The following MYO3A variants were observed in gnomAD, a reference collection of about 807,000 sequenced individuals.
MYO3A encodes the protein myosin-IIIa.
Under a neutral mutation model 192.7 loss-of-function variants are expected in MYO3A, and 180 were observed. The observed-to-expected ratio is 0.93, with a 90% CI of 0.83 to 1.06. The LOEUF is 1.06. Ranked by LOEUF, MYO3A falls within the 50% of genes least tolerant of loss-of-function variation. The pLI is 0.00. For missense variants in MYO3A, 1,896 were observed against 1,905.0 expected (o/e 1.00, Z 0.09); for synonymous variants, 628 against 645.3 (o/e 0.97, Z 0.41).
chr10:26,096,510 A>G, intron 16 of MYO3A, 31 bp downstream of exon 16: 1 of 1,603,016 alleles, frequency 6.2e-7, no homozygotes, highest in Non-Finnish European at 8.5e-7. Flanking sequence ...TTCATCAATA[A>G]TACTTTCACT....
At chr10:26,047,648 G>A (rs1261597848) in intron 10 of MYO3A, among the ~76,000 whole-genome samples, 6 of 151,972 alleles carry the variant, frequency 3.9e-5, no homozygotes, top group African/African-American at 1.4e-4. Flanking sequence ...GGTGGCAGGC[G>A]CCTGTAGTCC....
intron 10 of MYO3A, among the ~76,000 whole-genome samples, chr10:26,043,178 T>TCTCTCTCC (rs1843448855): frequency 6.6e-6 from 1 of 151,688 alleles, no homozygotes; most frequent in Non-Finnish European, 1.5e-5. Flanking sequence ...TCTCTCTCTC[T>TCTCTCTCC]CTCTCTCTGT....
Position 25,996,539 on chromosome 10 carries a change from G to T in MYO3A, c.353G>T (p.Arg118Met). The T allele has an allele frequency of 6.2e-7, 1 of 1,613,874 alleles. No individual in the cohort carries two copies. Among genetic ancestry groups the T allele is most frequent in the Non-Finnish European group, 8.5e-7 (1 of 1,179,868 alleles). Reference sequence around the variant, plus strand: ...GACCTTGTGAAAGGATTTCTGAAGAGGGGTGAAAGAATGAGTGAGCCTCTA... The same window carrying T: ...GACCTTGTGAAAGGATTTCTGAAGATGGGTGAAAGAATGAGTGAGCCTCTA... ...VTDLVKGFLK[R>M]GERMSEPLIA... The change falls in exon 5 of 35, where the codon AGG becomes ATG. Residue 118 changes from arginine to methionine, a missense_variant. Physicochemically the swap from Arg to Met is moderately conservative, Grantham distance 91 (BLOSUM62 -1). Coordinates refer to ENST00000642920, the MANE Select transcript of MYO3A (RefSeq NM_017433.5).
intron 2 of MYO3A, 101 bp from the exon 3 acceptor site, chr10:25,951,993 C>A: frequency 1.2e-6 from 1 of 850,688 alleles, no homozygotes; most frequent in Non-Finnish European, 1.9e-6. Context: ...TGAATATTTT[C>A]TATCATATCA....
At chr10:25,996,341 A>G (rs1840438198) in intron 4 of MYO3A, 149 bp from the exon 5 acceptor site, 1 of 653,390 alleles carries the variant, frequency 1.5e-6, no homozygotes, top group East Asian at 2.8e-5. Flanking sequence ...TTATATATTC[A>G]TTTTATTTAT....
At chr10:26,041,351 C>T (rs1915477) in intron 10 of MYO3A, among the ~76,000 whole-genome samples, 109,968 of 151,548 alleles carry the variant, frequency 0.73, 40,263 homozygotes, top group African/African-American at 0.82. Flanking sequence ...GTTGTTGTTG[C>T]TGTTGTTGTT....
chr10:26,135,075 T>G (rs1839767708), intron 20 of MYO3A, among the ~76,000 whole-genome samples: 2 of 152,160 alleles, frequency 1.3e-5, no homozygotes, highest in Admixed American at 6.5e-5. Context: ...CTATATTTCA[T>G]TGATTAAAAT....
chr10:26,021,751 A>G (rs1307427523), intron 8 of MYO3A, 103 bp downstream of exon 8: 4 of 1,450,864 alleles, frequency 2.8e-6, no homozygotes, highest in African/African-American at 1.4e-5. Context: ...ATATATTCCA[A>G]CAAGTTGGGA....
intron 4 of MYO3A, among the ~76,000 whole-genome samples, chr10:25,984,770 C>A (rs577613875): frequency 6.6e-6 from 1 of 152,260 alleles, no homozygotes; most frequent in East Asian, 1.9e-4. Context: ...CATGCAAATA[C>A]ATGGAAATTA....
At chr10:26,109,941 C>G (rs1224782076) in intron 17 of MYO3A, among the ~76,000 whole-genome samples, 2 of 152,042 alleles carry the variant, frequency 1.3e-5, no homozygotes, top group African/African-American at 4.8e-5. Flanking sequence ...CTCTTGGGAC[C>G]AGAGCGGGAG....
rs1440016152 is a variant in MYO3A, at chr10:26,096,397, C to A, written c.1579C>A (p.His527Asn). The part of the protein sequence containing the change: ...IHQAIGEKNF[H>N]IFYYIYAGLA... ...TTTTTCCAGTGGAGAAAAAAATTTTCATATTTTTTACTACATTTATGCTGG... is the reference window on the plus strand; with the variant it reads ...TTTTTCCAGTGGAGAAAAAAATTTTAATATTTTTTACTACATTTATGCTGG... Residue 527 changes from histidine to asparagine, a missense_variant, in exon 16 of 35, where the codon CAT becomes AAT. Physicochemically the swap from His to Asn is moderately conservative, Grantham distance 68. Coordinates refer to ENST00000642920, the MANE Select transcript of MYO3A (RefSeq NM_017433.5). 6.2e-7 allele frequency: 1 copy of A among 1,611,264 alleles called. No individual in the cohort carries two copies. Among genetic ancestry groups the A allele is most frequent in the African/African-American group, 1.3e-5 (1 of 74,802 alleles).
intron 31 of MYO3A, among the ~76,000 whole-genome samples, chr10:26,178,002 C>A (rs1467119301): frequency 2.0e-5 from 3 of 152,242 alleles, no homozygotes; most frequent in Admixed American, 2.0e-4. Context: ...TGCTCTCCTG[C>A]TCTCTGGCCC....
intron 10 of MYO3A, among the ~76,000 whole-genome samples, chr10:26,059,919 T>G (rs1349359139): frequency 6.6e-6 from 1 of 152,002 alleles, no homozygotes; most frequent in Non-Finnish European, 1.5e-5. Flanking sequence ...GTCAGGAGTT[T>G]GAGACCAGCC....
chr10:26,074,265 C>G (rs1206176641), intron 14 of MYO3A, among the ~76,000 whole-genome samples: 3 of 152,022 alleles, frequency 2.0e-5, no homozygotes, highest in African/African-American at 7.2e-5. Context: ...CTGCATAGTT[C>G]AAAACAACTA....
intron 10 of MYO3A, among the ~76,000 whole-genome samples, chr10:26,043,931 TG>T (rs1843497983): frequency 6.6e-6 from 1 of 152,182 alleles, no homozygotes; most frequent in Non-Finnish European, 1.5e-5. Flanking sequence ...GATTCTTACT[TG>T]AAGCCAACAA....
At chr10:26,003,261 C>T (rs1353231492) in intron 6 of MYO3A, among the ~76,000 whole-genome samples, 1 of 152,130 alleles carries the variant, frequency 6.6e-6, no homozygotes, top group Non-Finnish European at 1.5e-5. Flanking sequence ...TCCTACTTAG[C>T]CTATAGCTCA....
At chr10:25,938,381 T>C (rs766019470) in intron 2 of MYO3A, among the ~76,000 whole-genome samples, 11 of 152,146 alleles carry the variant, frequency 7.2e-5, no homozygotes, top group Non-Finnish European at 1.6e-4. Context: ...AAGTCAGAAA[T>C]GGCCAGATCA....
chr10:25,949,109 A>C (rs1358535123), intron 2 of MYO3A, among the ~76,000 whole-genome samples: 7 of 152,058 alleles, frequency 4.6e-5, no homozygotes, highest in Non-Finnish European at 8.8e-5. Context: ...CTATTACAGC[A>C]CTTTATGCAT....
At chr10:26,158,797 G>C (rs1460403297) in intron 26 of MYO3A, among the ~76,000 whole-genome samples, 1 of 151,918 alleles carries the variant, frequency 6.6e-6, no homozygotes, top group African/African-American at 2.4e-5. Flanking sequence ...CCCAGTATTT[G>C]AGGAAGTCCC....
Sources: gnomAD v4.1 joint callset for allele counts (sites outside exome capture counted in the v4.1 genomes callset) on GRCh38, gnomAD v4.1.1 for gene constraint, MANE v1.5 for transcripts, NCBI Gene and HGNC (gene_info 2026-07-23, HGNC 2026-07-21) for gene names.